ANK3: variants seen among roughly 807,000 people sequenced by gnomAD.
ANK3 encodes ankyrin-3.
A neutral mutation model predicts 370.9 loss-of-function variants in ANK3; 57 were observed. The ratio of observed to expected loss-of-function variants is 0.15; its 90% confidence interval spans 0.12 to 0.19. The LOEUF (loss-of-function observed/expected upper bound fraction) is 0.19. Among genes scored for constraint, ANK3 ranks in the 10% least tolerant of loss-of-function variants. ANK3 has a pLI of 1.00. For missense variants in ANK3, 4,439 were observed against 5,302.1 expected (o/e 0.84, Z 5.06); for synonymous variants, 1,929 against 1,946.3 (o/e 0.99, Z 0.23).
At chr10:60,625,184 G>A (rs2078391928) in intron 1 of ANK3, among the ~76,000 whole-genome samples, 1 of 152,056 alleles carries the variant, frequency 6.6e-6, no homozygotes, top group Non-Finnish European at 1.5e-5. Context: ...GAGCCACAAG[G>A]GGAACACCGA....
Position 60,727,255 on chromosome 10 carries a change from G to T in ANK3, c.57+6008C>A, listed in dbSNP as rs80074402. 9.5e-3 allele frequency among the ~76,000 whole-genome samples: 1,449 copies of T among 152,218 alleles called. 28 individuals are homozygous for T. Among genetic ancestry groups the T allele is most frequent in the African/African-American group, 0.033 (1,356 of 41,546 alleles). On this transcript the variant is annotated intron_variant, in intron 1 of 43. Coordinates refer to the ANK3 transcript ENST00000373827. ...AATGGACAAACTGTGGCATGTTAATGCAATGAAATACTACTTAGCAATAAA... is the reference window on the plus strand; with the variant it reads ...AATGGACAAACTGTGGCATGTTAATTCAATGAAATACTACTTAGCAATAAA...
At chr10:60,461,205 G>A (rs1320086714) in intron 2 of ANK3, among the ~76,000 whole-genome samples, 1 of 152,054 alleles carries the variant, frequency 6.6e-6, no homozygotes, top group Non-Finnish European at 1.5e-5. Context: ...TTCTCAAGGG[G>A]AGAGCATCCT....
intron 8 of ANK3, among the ~76,000 whole-genome samples, chr10:60,230,990 C>T (rs1425223541): frequency 6.6e-6 from 1 of 151,770 alleles, no homozygotes; most frequent in African/African-American, 2.4e-5. Context: ...CTAAATTTTA[C>T]AATAACTAAT....
intron 7 of ANK3, among the ~76,000 whole-genome samples, chr10:60,237,651 G>A (rs1241149489): frequency 6.6e-6 from 1 of 151,144 alleles, no homozygotes; most frequent in African/African-American, 2.4e-5. Context: ...AAGTTTTAGG[G>A]TACATGTGCA....
chr10:60,225,139 C>G (rs2097119848), intron 8 of ANK3, among the ~76,000 whole-genome samples: 1 of 152,066 alleles, frequency 6.6e-6, no homozygotes, highest in African/African-American at 2.4e-5. Context: ...TCTCAAACTC[C>G]TGGCCTCAAG....
intron 40 of ANK3, 62 bp from the exon 41 acceptor site, chr10:60,059,492 T>C: frequency 6.9e-7 from 1 of 1,439,860 alleles, no homozygotes. Flanking sequence ...CCTGTACTTT[T>C]TCTTCTGTCA....
At position 60,353,153 on chromosome 10, in the gene ANK3, G is replaced by T. The variant is rs531029043; in HGVS notation, c.114+36272C>A. On this transcript the variant is annotated intron_variant, in intron 1 of 43. Transcript: ENST00000280772. ...GCACCATCACACCTGGCTAATTTTTGTTTTGTTTTTTTTTTTTTTTTTAGA... is the reference window on the plus strand; with the variant it reads ...GCACCATCACACCTGGCTAATTTTTTTTTTGTTTTTTTTTTTTTTTTTAGA... Among the ~76,000 whole-genome samples the T allele has an allele frequency of 4.1e-4, 56 of 135,798 alleles. 1 individual carries two copies. Among genetic ancestry groups the T allele is most frequent in the Middle Eastern group, 3.8e-3 (1 of 260 alleles). The allele number at this position is 135,798 out of a possible 152,430, so 89.1% of individuals were successfully genotyped here.
intron 1 of ANK3, among the ~76,000 whole-genome samples, chr10:60,281,403 T>C (rs1399599429): frequency 1.3e-5 from 2 of 152,214 alleles, no homozygotes; most frequent in African/African-American, 4.8e-5. Context: ...AATTGCCAAA[T>C]GTCCCTTGGG....
At chr10:60,444,444 G>GTGTGTGTA (rs386361850) in intron 2 of ANK3, among the ~76,000 whole-genome samples, 189 of 148,816 alleles carry the variant, frequency 1.3e-3, no homozygotes, top group East Asian at 2.9e-3. Flanking sequence ...GTGTGTGTGT[G>GTGTGTGTA]TATATATATA....
intron 16 of ANK3, among the ~76,000 whole-genome samples, chr10:60,192,615 T>G (rs2096508161): frequency 6.6e-6 from 1 of 152,112 alleles, no homozygotes; most frequent in Non-Finnish European, 1.5e-5. Flanking sequence ...ATACTGCATG[T>G]TCTTGCCTGA....
intron 1 of ANK3, among the ~76,000 whole-genome samples, chr10:60,312,980 T>TG (rs2046664345): frequency 6.6e-6 from 1 of 152,152 alleles, no homozygotes; most frequent in Non-Finnish European, 1.5e-5. Context: ...TGAAGACATC[T>TG]GAGGCCTCCC....
At chr10:60,295,943 C>T (rs936849853) in intron 1 of ANK3, among the ~76,000 whole-genome samples, 1 of 152,070 alleles carries the variant, frequency 6.6e-6, no homozygotes, top group African/African-American at 2.4e-5. Context: ...TGAAGTAGGT[C>T]AAGGATACCA....
chr10:60,317,093 A>T (rs2047610277), intron 1 of ANK3, among the ~76,000 whole-genome samples: 1 of 152,010 alleles, frequency 6.6e-6, no homozygotes, highest in Non-Finnish European at 1.5e-5. Context: ...TGGCAAGGGC[A>T]AATTCCATCC....
At chr10:60,492,548 A>T (rs989988717) in intron 2 of ANK3, among the ~76,000 whole-genome samples, 2 of 151,436 alleles carry the variant, frequency 1.3e-5, no homozygotes, top group African/African-American at 4.9e-5. Context: ...TTAACCAAAA[A>T]TACAAAAAAT....
At chr10:60,720,721 T>A (rs531800733) in intron 1 of ANK3, among the ~76,000 whole-genome samples, 73 of 152,288 alleles carry the variant, frequency 4.8e-4, no homozygotes, top group Non-Finnish European at 7.4e-4. Context: ...CAAGCGGTCC[T>A]CCCACCTCAG....
chr10:60,268,048 G>T lies in ANK3; in HGVS notation c.513+2083C>A, dbSNP rs1035802124. On this transcript the variant is annotated intron_variant, in intron 5 of 43. Coordinates refer to ENST00000280772, the MANE Select transcript of ANK3 (RefSeq NM_020987.5). Reference sequence around the variant, plus strand: ...CAGGGTCTCACTGTTGCCCAGGCTGGAGTGTAGCGACTACTCACAGGTGCA... The same window carrying T: ...CAGGGTCTCACTGTTGCCCAGGCTGTAGTGTAGCGACTACTCACAGGTGCA... Among the ~76,000 whole-genome samples, 5 of 152,146 alleles carry T rather than the reference G, an allele frequency of 3.3e-5. No individual in the cohort carries two copies. The East Asian group carries it at 9.6e-4, about 29-fold the overall frequency.
intron 1 of ANK3, among the ~76,000 whole-genome samples, chr10:60,687,068 T>C (rs963516221): frequency 7.2e-5 from 11 of 152,200 alleles, no homozygotes; most frequent in African/African-American, 2.7e-4. Context: ...CTAGGAGCTA[T>C]AGGCTACAGC....
chr10:60,144,806 G>C (rs1481935281), intron 23 of ANK3, among the ~76,000 whole-genome samples: 1 of 152,076 alleles, frequency 6.6e-6, no homozygotes, highest in Non-Finnish European at 1.5e-5. Context: ...CCAAGTCAAT[G>C]GTCCAGTACA....
At chr10:60,142,785 T>A (rs898265202) in intron 23 of ANK3, among the ~76,000 whole-genome samples, 4 of 152,130 alleles carry the variant, frequency 2.6e-5, no homozygotes, top group Non-Finnish European at 5.9e-5. Flanking sequence ...TTTAGAATGG[T>A]GAGAACATTT....
Sources: gnomAD v4.1 joint callset for allele counts (sites outside exome capture counted in the v4.1 genomes callset) on GRCh38, gnomAD v4.1.1 for gene constraint, MANE v1.5 for transcripts, NCBI Gene and HGNC (gene_info 2026-07-23, HGNC 2026-07-21) for gene names.